Variants in POC1B observed in about 807,000 individuals in gnomAD.
POC1B encodes POC1 centriolar protein homolog B.
Under a neutral mutation model 60.6 loss-of-function variants are expected in POC1B, and 44 were observed. The ratio of observed to expected loss-of-function variants is 0.73; its 90% CI spans 0.57 to 0.93. The LOEUF is 0.93. Among genes scored for constraint, POC1B ranks in the 40% least tolerant of loss-of-function variants. The pLI is 0.00. For missense variants in POC1B, 555 were observed against 572.3 expected, an observed-to-expected ratio of 0.97 and a Z score of 0.31; for synonymous variants, 180 against 198.9, an observed-to-expected ratio of 0.90 and a Z score of 0.80.
the POC1B span, among the ~76,000 whole-genome samples, chr12:89,408,315 T>C: frequency 6.6e-6 from 1 of 152,214 alleles, no homozygotes; most frequent in South Asian, 2.1e-4. Flanking sequence ...CCTGTGGGTA[T>C]ATACCCAGTA....
chr12:89,481,872 C>T (rs902502505), intron 4 of POC1B, among the ~76,000 whole-genome samples: 1 of 152,056 alleles, frequency 6.6e-6, no homozygotes. Context: ...GCACTACAGC[C>T]CATGAGTAAA....
chr12:89,525,542 G>T, intron 1 of POC1B: 2 of 1,299,024 alleles, frequency 1.5e-6, no homozygotes, highest in South Asian at 2.4e-5. Context: ...ATGCGCCTCG[G>T]CTTTGGTACT....
chr12:89,429,394 C>T (rs982503701), intron 10 of POC1B: 10 of 152,070 alleles, frequency 6.6e-5, no homozygotes, highest in African/African-American at 2.4e-4. Context: ...AGATGCACAG[C>T]ATGGGGGAGG....
At chr12:89,412,831 CT>C in the POC1B span, among the ~76,000 whole-genome samples, 1 of 119,428 alleles carries the variant, frequency 8.4e-6, no homozygotes. Flanking sequence ...TCCTTCCTTC[CT>C]TCCTTCCTTC....
intron 10 of POC1B, chr12:89,428,480 T>C (rs924074830): frequency 1.3e-5 from 2 of 152,266 alleles, no homozygotes; most frequent in Non-Finnish European, 2.9e-5. Context: ...TGTTTACTCT[T>C]CTCATCACTG....
rs1272666124 is a variant in POC1B, at chr12:89,459,716, A to T, written c.1035T>A (p.Ile345=). The change falls in exon 10 of 12, where the codon ATT becomes ATA. Residue 345 remains isoleucine, a splice_region_variant and synonymous_variant. Coordinates refer to ENST00000313546, the MANE Select transcript of POC1B (RefSeq NM_172240.3). The stretch of plus-strand genomic sequence containing the variant: ...AATCGATTACCTCAAGCTTTGGATT[A>T]ATCTGTGTATATACATAAAAAAAAA... The part of the protein sequence containing the change: ...PHEEKVETVE[I]NPKLEVIDLQ... The T allele has an allele frequency of 1.3e-6, 2 of 1,523,266 alleles. No individual in the cohort carries two copies. Among genetic ancestry groups the T allele is most frequent in the African/African-American group, 2.8e-5 (2 of 70,960 alleles). 94.4% of individuals were successfully genotyped at this position (1,523,266 alleles called of 1,614,324 possible). A position where few individuals can be genotyped will look rare whatever the true frequency, so the allele number is the denominator to read the frequency against.
chr12:89,487,779 G>A (rs1368476220), intron 4 of POC1B, among the ~76,000 whole-genome samples: 1 of 152,120 alleles, frequency 6.6e-6, no homozygotes, highest in East Asian at 1.9e-4. Flanking sequence ...TGACAAATAT[G>A]CCACTGCCTC....
At chr12:89,445,478 A>C (rs955390720) in intron 10 of POC1B, among the ~76,000 whole-genome samples, 1 of 152,208 alleles carries the variant, frequency 6.6e-6, no homozygotes, top group Non-Finnish European at 1.5e-5. Flanking sequence ...CTGATCTTTG[A>C]TAAACCTGAC....
chr12:89,466,723 C>G (rs769578272), intron 9 of POC1B, 47 bp downstream of exon 9: 2 of 1,528,726 alleles, frequency 1.3e-6, no homozygotes, highest in South Asian at 2.5e-5. Flanking sequence ...CAGCAAAAGC[C>G]TCAAAATGTA....
At chr12:89,502,660 T>G in intron 2 of POC1B, 2 of 1,334,772 alleles carry the variant, frequency 1.5e-6, no homozygotes, top group Non-Finnish European at 2.1e-6. Context: ...ATCAATTTTT[T>G]GTTAAGCATG....
At chr12:89,422,574 C>G (rs1322181230) in intron 11 of POC1B, among the ~76,000 whole-genome samples, 1 of 152,154 alleles carries the variant, frequency 6.6e-6, no homozygotes, top group Non-Finnish European at 1.5e-5. Flanking sequence ...AGGTGGTGGC[C>G]TATTCTCTGA....
chr12:89,522,042 A>G (rs1184555637), intron 2 of POC1B: 1 of 398,918 alleles, frequency 2.5e-6, no homozygotes, highest in Non-Finnish European at 4.4e-6. Flanking sequence ...AAGTGCAATC[A>G]GAAAATGCCC....
intron 8 of POC1B, among the ~76,000 whole-genome samples, chr12:89,467,297 T>A (rs1054384265): frequency 5.3e-5 from 8 of 152,130 alleles, no homozygotes; most frequent in Non-Finnish European, 1.2e-4. Context: ...ATGATTTATA[T>A]TTACCATCCT....
At chr12:89,521,511 A>T (rs1257928721) in intron 2 of POC1B, 1 of 152,748 alleles carries the variant, frequency 6.5e-6, no homozygotes, top group Non-Finnish European at 1.5e-5. Flanking sequence ...GAAAAGATAA[A>T]AAGTATTGTA....
chr12:89,446,407 G>A (rs1881787866), intron 10 of POC1B, among the ~76,000 whole-genome samples: 1 of 152,158 alleles, frequency 6.6e-6, no homozygotes, highest in African/African-American at 2.4e-5. Flanking sequence ...TATACACTAT[G>A]GAATACTATG....
chr12:89,502,356 G>A, intron 2 of POC1B: 1 of 1,611,056 alleles, frequency 6.2e-7, no homozygotes. Flanking sequence ...AACCTTTGGA[G>A]TACTGGCGAG....
intron 4 of POC1B, among the ~76,000 whole-genome samples, chr12:89,481,447 C>T (rs1031177859): frequency 2.6e-5 from 4 of 152,102 alleles, no homozygotes; most frequent in Non-Finnish European, 4.4e-5. Flanking sequence ...AAAATCTGTC[C>T]CAGATTTCTA....
intron 10 of POC1B, among the ~76,000 whole-genome samples, chr12:89,435,457 A>G (rs1040057803): frequency 2.6e-5 from 4 of 152,204 alleles, no homozygotes; most frequent in Admixed American, 2.0e-4. Flanking sequence ...GTGGGACTAT[A>G]GGCGTGAACC....
chr12:89,409,203 A>C, the POC1B span, among the ~76,000 whole-genome samples: 3 of 152,278 alleles, frequency 2.0e-5, no homozygotes, highest in East Asian at 5.8e-4. Flanking sequence ...GCCCATGCCT[A>C]TGTCCTGAAT....
Sources: allele counts gnomAD v4.1 joint callset (sites outside exome capture counted in the v4.1 genomes callset), GRCh38; gene constraint gnomAD v4.1.1; transcripts MANE v1.5; gene names NCBI Gene and HGNC (gene_info 2026-07-23, HGNC 2026-07-21).